ZMIZ1: variants seen among roughly 807,000 people sequenced by gnomAD.
The protein encoded by ZMIZ1 is zinc finger MIZ domain-containing protein 1.
Under a neutral mutation model 113.9 loss-of-function variants are expected in ZMIZ1, and 17 were observed. The ratio of observed to expected loss-of-function variants is 0.15; its 90% CI spans 0.10 to 0.22. ZMIZ1 has a LOEUF of 0.22. Among genes scored for constraint, ZMIZ1 ranks in the 10% least tolerant of loss-of-function variants. The pLI, the probability that ZMIZ1 is intolerant of heterozygous loss-of-function variation, is 1.00. For missense variants in ZMIZ1, 1,059 were observed against 1,477.8 expected (o/e 0.72, Z 4.65); for synonymous variants, 607 against 603.1 (o/e 1.01, Z -0.09).
Position 79,116,562 on chromosome 10 carries a change from G to C in ZMIZ1, c.-336-2353G>C, listed in dbSNP as rs144114927. ...GTGATGCAGCCTGTGGGGGTGCACAGAAGAGTGAGGTAGAGCCTGCAGGGC... is the reference window on the plus strand; with the variant it reads ...GTGATGCAGCCTGTGGGGGTGCACACAAGAGTGAGGTAGAGCCTGCAGGGC... On this transcript the variant is annotated intron_variant, in intron 1 of 24. Coordinates refer to ENST00000334512, the MANE Select transcript of ZMIZ1 (RefSeq NM_020338.4). Among the ~76,000 whole-genome samples the C allele has an allele frequency of 7.1e-3, 1,084 of 152,248 alleles. 17 individuals are homozygous for C. Among genetic ancestry groups the C allele is most frequent in the African/African-American group, 0.025 (1,023 of 41,534 alleles).
intron 4 of ZMIZ1, among the ~76,000 whole-genome samples, chr10:79,186,499 T>C (rs1448951102): frequency 6.6e-6 from 1 of 152,222 alleles, no homozygotes. Context: ...GTCTTTCTTG[T>C]TGATTCCCGA....
intron 8 of ZMIZ1, among the ~76,000 whole-genome samples, chr10:79,278,980 G>A (rs1280043487): frequency 6.6e-6 from 1 of 152,232 alleles, no homozygotes; most frequent in African/African-American, 2.4e-5. Flanking sequence ...TGGTGGCGGG[G>A]CAGAGGGGCT....
At chr10:79,202,119 G>C (rs1589417564) in intron 5 of ZMIZ1, among the ~76,000 whole-genome samples, 1 of 107,374 alleles carries the variant, frequency 9.3e-6, no homozygotes, top group African/African-American at 3.7e-5. Flanking sequence ...TGTAATCCCA[G>C]AACTTTGAGA....
chr10:79,130,691 T>G (rs1266734627), intron 2 of ZMIZ1, among the ~76,000 whole-genome samples: 1 of 152,080 alleles, frequency 6.6e-6, no homozygotes, highest in African/African-American at 2.4e-5. Context: ...CCGTGTGACC[T>G]TGGGCAGTCA....
chr10:79,286,084 G>A (rs1336981915), intron 8 of ZMIZ1, among the ~76,000 whole-genome samples: 2 of 152,220 alleles, frequency 1.3e-5, no homozygotes, highest in Admixed American at 1.3e-4. Context: ...TACTGGGCAG[G>A]CCATGCTGGA....
intron 1 of ZMIZ1, among the ~76,000 whole-genome samples, chr10:79,076,602 T>C (rs1842483374): frequency 6.6e-6 from 1 of 152,138 alleles, no homozygotes; most frequent in South Asian, 2.1e-4. Context: ...CTGGGAGGCC[T>C]AGGCAGGTGG....
At chr10:79,298,270 A>G (rs1250552) in intron 14 of ZMIZ1, 136 bp from the exon 15 acceptor site, 489,935 of 966,952 alleles carry the variant, frequency 0.51, 128,478 homozygotes, top group African/African-American at 0.72. Context: ...GAGAGAGAAG[A>G]GTTTCCCTGG....
At chr10:79,159,670 A>G (rs1341329128) in intron 3 of ZMIZ1, among the ~76,000 whole-genome samples, 2 of 152,234 alleles carry the variant, frequency 1.3e-5, no homozygotes, top group Non-Finnish European at 2.9e-5. Flanking sequence ...TATCCAGGGC[A>G]CAATCCACAA....
At chr10:79,121,735 T>C (rs150253035) in intron 2 of ZMIZ1, among the ~76,000 whole-genome samples, 1 of 152,118 alleles carries the variant, frequency 6.6e-6, no homozygotes, top group Admixed American at 6.6e-5. Context: ...GGGTGGTAGG[T>C]ACCACTATGG....
intron 4 of ZMIZ1, among the ~76,000 whole-genome samples, chr10:79,168,286 C>G (rs543189770): frequency 4.6e-5 from 7 of 152,202 alleles, no homozygotes; most frequent in Non-Finnish European, 7.3e-5. Flanking sequence ...GGGGGCCTAC[C>G]TCCTCCCACC....
At chr10:79,267,721 C>T (rs1347025874) in intron 7 of ZMIZ1, among the ~76,000 whole-genome samples, 2 of 152,178 alleles carry the variant, frequency 1.3e-5, no homozygotes, top group Non-Finnish European at 2.9e-5. Flanking sequence ...CTTTTGGTTT[C>T]CAGGTGGGAC....
intron 4 of ZMIZ1, among the ~76,000 whole-genome samples, chr10:79,187,818 G>A (rs577963499): frequency 1.3e-5 from 2 of 152,298 alleles, no homozygotes; most frequent in South Asian, 4.1e-4. Flanking sequence ...GAACCCAAGG[G>A]CCTCCCTCTG....
chr10:79,113,032 T>C (rs1843814594), intron 1 of ZMIZ1, among the ~76,000 whole-genome samples: 1 of 152,192 alleles, frequency 6.6e-6, no homozygotes, highest in African/African-American at 2.4e-5. Context: ...AAGTGAGGGC[T>C]TCTCAACAGC....
intron 9 of ZMIZ1, 104 bp downstream of exon 9, chr10:79,289,993 C>G: frequency 8.6e-7 from 1 of 1,158,500 alleles, no homozygotes. Context: ...CCTTGCCCTG[C>G]TGGAAAGACC....
chr10:79,237,640 G>A (rs1371715317), intron 7 of ZMIZ1, among the ~76,000 whole-genome samples: 1 of 152,162 alleles, frequency 6.6e-6, no homozygotes, highest in Non-Finnish European at 1.5e-5. Context: ...CTTTTTATAA[G>A]GACACTAGTT....
At chr10:79,114,494 C>CGTGTGT (rs369818551) in intron 1 of ZMIZ1, among the ~76,000 whole-genome samples, 2 of 114,342 alleles carry the variant, frequency 1.7e-5, no homozygotes, top group African/African-American at 3.4e-5. Flanking sequence ...TGTGTGTGTG[C>CGTGTGT]GTGTGTGTGT....
At chr10:79,088,101 C>T (rs749840629) in intron 1 of ZMIZ1, among the ~76,000 whole-genome samples, 4 of 152,254 alleles carry the variant, frequency 2.6e-5, no homozygotes, top group African/African-American at 7.2e-5. Context: ...GGTCTGACCC[C>T]TGGCCCCTTC....
At chr10:79,201,019 T>G (rs1286687558) in intron 4 of ZMIZ1, among the ~76,000 whole-genome samples, 2 of 152,168 alleles carry the variant, frequency 1.3e-5, no homozygotes, top group African/African-American at 4.8e-5. Context: ...CAGAAATGTG[T>G]GCACCTGGCT....
chr10:79,115,054 G>A (rs1843962825), intron 1 of ZMIZ1, among the ~76,000 whole-genome samples: 1 of 152,252 alleles, frequency 6.6e-6, no homozygotes, highest in South Asian at 2.1e-4. Flanking sequence ...TTAACAATCA[G>A]CCCAGGTGAT....
Sources: gnomAD v4.1 joint callset for allele counts (sites outside exome capture counted in the v4.1 genomes callset) on GRCh38, gnomAD v4.1.1 for gene constraint, MANE v1.5 for transcripts, NCBI Gene and HGNC (gene_info 2026-07-23, HGNC 2026-07-21) for gene names.